TRAPPC3L: variants seen among roughly 807,000 people sequenced by gnomAD.
TRAPPC3L encodes trafficking protein particle complex subunit 3L.
A neutral mutation model predicts 23.7 loss-of-function variants in TRAPPC3L; 23 were observed. The observed-to-expected ratio is 0.97, with a 90% CI of 0.70 to 1.37. The LOEUF is 1.37. TRAPPC3L is among the 40% of genes most tolerant of loss of function. The probability of loss-of-function intolerance (pLI) is 0.00; values close to 1 mark genes in which losing one functional copy is unlikely to be tolerated. For synonymous variants in TRAPPC3L, 81 were observed against 77.9 expected, an observed-to-expected ratio of 1.04 and a Z score of -0.21; for missense variants, 212 against 216.8, an observed-to-expected ratio of 0.98 and a Z score of 0.14.
At chr6:116,502,938 C>T (rs1167026903) in intron 3 of TRAPPC3L, among the ~76,000 whole-genome samples, 1 of 152,154 alleles carries the variant, frequency 6.6e-6, no homozygotes, top group Non-Finnish European at 1.5e-5. Flanking sequence ...ATTTAAAGAC[C>T]ATTGACACTA....
chr6:116,544,507 C>A (rs892781700), intron 1 of TRAPPC3L, among the ~76,000 whole-genome samples: 2 of 152,060 alleles, frequency 1.3e-5, no homozygotes, highest in African/African-American at 2.4e-5. Context: ...GAAAGGTCAA[C>A]ATAAGTTTAT....
At chr6:116,511,734 A>G in intron 3 of TRAPPC3L, 1 of 1,613,866 alleles carries the variant, frequency 6.2e-7, no homozygotes. Context: ...TTCTTCCTTA[A>G]TCAGAAAACT....
chr6:116,505,342 C>T (rs1370751229), intron 3 of TRAPPC3L, among the ~76,000 whole-genome samples: 2 of 152,154 alleles, frequency 1.3e-5, no homozygotes, highest in African/African-American at 2.4e-5. Context: ...AGGAGAATTA[C>T]AAACCACTTC....
At chr6:116,516,615 T>G (rs1248988590) in intron 3 of TRAPPC3L, 2 of 147,294 alleles carry the variant, frequency 1.4e-5, no homozygotes, top group East Asian at 3.9e-4. Flanking sequence ...CTTTATGTAC[T>G]TTTGCCTTTG....
At chr6:116,528,866 G>A (rs1441306399) in intron 3 of TRAPPC3L, 2 of 152,184 alleles carry the variant, frequency 1.3e-5, no homozygotes, top group Non-Finnish European at 2.9e-5. Flanking sequence ...TTACAATTAG[G>A]TTTTGAGTTA....
At chr6:116,512,198 A>G (rs762735119) in intron 3 of TRAPPC3L, 21 of 1,606,840 alleles carry the variant, frequency 1.3e-5, no homozygotes, top group Non-Finnish European at 5.1e-6. Context: ...ACCTACCGTC[A>G]ATGAAGAACT....
chr6:116,500,797 G>A (rs374160217), intron 3 of TRAPPC3L, 131 bp from the exon 4 acceptor site: 58 of 768,742 alleles, frequency 7.5e-5, no homozygotes, highest in Admixed American at 1.4e-4. Context: ...CAGGAAGTCC[G>A]GCTTCACCCT....
intron 3 of TRAPPC3L, among the ~76,000 whole-genome samples, chr6:116,535,561 A>C (rs1213843007): frequency 6.6e-6 from 1 of 152,236 alleles, no homozygotes; most frequent in Non-Finnish European, 1.5e-5. Flanking sequence ...ATTTTGTATA[A>C]CTAAGGAGGT....
Position 116,496,872 on chromosome 6 carries a change from G to A in TRAPPC3L, c.*82C>T. The stretch of plus-strand genomic sequence containing the variant: ...AACCTTTCAAAGCTCATGCTATGAA[G>A]CAATTCAAAATTTCTATGTCTATAC... On this transcript the variant is annotated 3_prime_UTR_variant, in exon 5 of 5. Coordinates refer to ENST00000368602, the MANE Select transcript of TRAPPC3L (RefSeq NM_001139444.3). The A allele has an allele frequency of 1.4e-6, 2 of 1,436,476 alleles. No homozygotes were observed. Among genetic ancestry groups the A allele is most frequent in the Middle Eastern group, 1.8e-4 (1 of 5,532 alleles). 89.0% of individuals were successfully genotyped at this position (1,436,476 alleles called of 1,614,324 possible).
rs539288012 is a variant in TRAPPC3L, at chr6:116,515,670, G to A, written c.241-15004C>T. 89 of 1,613,930 alleles carry A rather than the reference G, an allele frequency of 5.5e-5. No homozygotes were observed. Among genetic ancestry groups the A allele is most frequent in the Non-Finnish European group, 5.6e-5 (66 of 1,179,908 alleles). On this transcript the variant is annotated intron_variant, in intron 3 of 4. Transcript: ENST00000368602. ...CTCACCACATGTTATGCTCGCTGCC[G>A]ATCTAAAGTTAGCTACCTTCAGCTG...
intron 4 of TRAPPC3L, among the ~76,000 whole-genome samples, chr6:116,497,831 G>A (rs750387320): frequency 6.6e-6 from 1 of 152,142 alleles, no homozygotes; most frequent in Non-Finnish European, 1.5e-5. Flanking sequence ...CCTAGTAAAA[G>A]CAAATAATAT....
chr6:116,511,561 T>G, intron 3 of TRAPPC3L: 1 of 755,020 alleles, frequency 1.3e-6, no homozygotes, highest in Non-Finnish European at 2.2e-6. Flanking sequence ...AGGAATGACA[T>G]TGTTTCCTTA....
intron 3 of TRAPPC3L, chr6:116,515,452 T>TA: frequency 1.1e-6 from 1 of 909,000 alleles, no homozygotes; most frequent in East Asian, 2.5e-5. Context: ...AAAGTGAGTT[T>TA]AAAGTGTTTA....
In TRAPPC3L at chr6:116,496,928, C is replaced by T. The variant is rs1771840886; in HGVS notation, c.*26G>A. The stretch of plus-strand genomic sequence containing the variant: ...TAGCTAACATTAACTCAGCTAGCCG[C>T]CCCGTGGCATTTTCCGTGCTAGTCT... On this transcript the variant is annotated 3_prime_UTR_variant, in exon 5 of 5. Transcript: ENST00000368602. The T allele has an allele frequency of 6.5e-7, 1 of 1,534,424 alleles. No homozygotes were observed. Among genetic ancestry groups the T allele is most frequent in the Non-Finnish European group, 8.8e-7 (1 of 1,142,572 alleles).
chr6:116,502,648 G>A (rs2115155528), intron 3 of TRAPPC3L, among the ~76,000 whole-genome samples: 1 of 152,302 alleles, frequency 6.6e-6, no homozygotes, highest in Non-Finnish European at 1.5e-5. Context: ...ACCCATAAAG[G>A]GAAGCCCATC....
chr6:116,535,870 T>C (rs2115212606), intron 3 of TRAPPC3L, among the ~76,000 whole-genome samples: 1 of 152,350 alleles, frequency 6.6e-6, no homozygotes, highest in African/African-American at 2.4e-5. Context: ...AGCTGGCTTT[T>C]CTTACTATGT....
rs935183392 is a variant in TRAPPC3L, at chr6:116,495,320, T to A, written c.*1634A>T. 7 of 152,082 alleles carry A rather than the reference T, an allele frequency of 4.6e-5. No individual in the cohort carries two copies. Among genetic ancestry groups the A allele is most frequent in the Non-Finnish European group, 8.8e-5 (6 of 68,008 alleles). The allele number at this position is 152,082 out of a possible 1,614,324, so 9.4% of individuals were successfully genotyped here. A position where few individuals can be genotyped will look rare whatever the true frequency, so the allele number is the denominator to read the frequency against. ...TTGAACATAATGACCTCTAGTTCCATCCATGTTTTGCAAATGACAGGATCT... is the reference window on the plus strand; with the variant it reads ...TTGAACATAATGACCTCTAGTTCCAACCATGTTTTGCAAATGACAGGATCT... On this transcript the variant is annotated 3_prime_UTR_variant, in exon 5 of 5. Transcript: ENST00000368602.
In TRAPPC3L at chr6:116,495,020, C is replaced by T. The variant is rs113609256; in HGVS notation, c.*1934G>A. The T allele has an allele frequency of 3.4e-5, 4 of 117,284 alleles. No individual in the cohort carries two copies. The highest frequency in any genetic ancestry group is 1.4e-4 in the African/African-American group (4 of 29,488). 7.3% of individuals were successfully genotyped at this position (117,284 alleles called of 1,614,324 possible). On this transcript the variant is annotated 3_prime_UTR_variant, in exon 5 of 5. Coordinates refer to ENST00000368602, the MANE Select transcript of TRAPPC3L (RefSeq NM_001139444.3). ...AGGGGTCTATGTTACCCAAGCTGGT[C>T]TCAAACTCCTGAGCTCAAGCAATCC... is the stretch of plus-strand genomic sequence containing the variant.
intron 3 of TRAPPC3L, among the ~76,000 whole-genome samples, chr6:116,530,902 C>CATATATATATATAT (rs10557481): frequency 2.6e-5 from 2 of 76,484 alleles, no homozygotes; most frequent in Non-Finnish European, 4.8e-5. Context: ...AAGTGAGACT[C>CATATATATATATAT]ATATATATAT....
Sources: allele counts gnomAD v4.1 joint callset (sites outside exome capture counted in the v4.1 genomes callset), GRCh38; gene constraint gnomAD v4.1.1; transcripts MANE v1.5; gene names NCBI Gene and HGNC (gene_info 2026-07-23, HGNC 2026-07-21).